The following TAF11L12 variants were observed in gnomAD, a reference collection of about 807,000 sequenced individuals.
TAF11L12 encodes the protein TATA-box binding protein associated factor 11 like 12.
downstream of TAF11L12, chr5:17,611,715 A>T (rs879341908): frequency 1.3e-5 from 5 of 394,638 alleles, no homozygotes; most frequent in Non-Finnish European, 2.2e-5. Context: ...TTAGTGTCTG[A>T]AACTGTGAAG....
chr5:17,611,703 T>TC, downstream of TAF11L12: 1 of 395,148 alleles, frequency 2.5e-6, no homozygotes, highest in African/African-American at 2.1e-5. Flanking sequence ...TCACCCACAA[T>TC]CTTAGTGTCT....
chr5:17,611,215 A>G (rs1739269519), exon 1 of TAF11L12: 3 of 398,122 alleles, frequency 7.5e-6, no homozygotes, highest in Non-Finnish European at 1.3e-5. Context: ...GAAAACAGAT[A>G]CCAAGGGGAA....
chr5:17,611,882 T>G (rs550922931), downstream of TAF11L12, among the ~76,000 whole-genome samples: 1 of 151,472 alleles, frequency 6.6e-6, no homozygotes, highest in Non-Finnish European at 1.5e-5. Flanking sequence ...GTAGCTGCAT[T>G]TGGAGAGGGA....
At chr5:17,611,983 G>A (rs771879225), downstream of TAF11L12, among the ~76,000 whole-genome samples, 2 of 151,396 alleles carry the variant, frequency 1.3e-5, no homozygotes, top group African/African-American at 2.4e-5. Context: ...TTCAGTAAGC[G>A]AAGCCTCCAG....
At chr5:17,611,916 G>T (rs768378280), downstream of TAF11L12, among the ~76,000 whole-genome samples, 1 of 151,256 alleles carries the variant, frequency 6.6e-6, no homozygotes, top group Non-Finnish European at 1.5e-5. Context: ...AGATTTGTAC[G>T]GTTTCATTCT....
In TAF11L12 at chr5:17,610,973, A is replaced by T. The variant is rs567787019; in HGVS notation, c.-17A>T. 2.0e-5 allele frequency: 8 copies of T among 397,932 alleles called. 1 individual carries two copies. The East Asian group carries it at 2.9e-4, about 14-fold the overall frequency. 24.7% of individuals were successfully genotyped at this position (397,932 alleles called of 1,614,324 possible). A position where few individuals can be genotyped will look rare whatever the true frequency, so the allele number is the denominator to read the frequency against. On this transcript the variant is annotated 5_prime_UTR_variant, in exon 1 of 1. Transcript: ENST00000503184. ...GCCTGTACAGCTGCTGTCACGGAGC[A>T]GACTTGAATCTCACCCATGGAGACA... is the stretch of plus-strand genomic sequence containing the variant.
chr5:17,611,697 C>T (rs1027906062), downstream of TAF11L12: 2 of 395,366 alleles, frequency 5.1e-6, no homozygotes, highest in African/African-American at 2.1e-5. Flanking sequence ...CTGGATTCAC[C>T]CACAATCTTA....
downstream of TAF11L12, chr5:17,611,665 A>T: frequency 2.5e-6 from 1 of 396,962 alleles, no homozygotes; most frequent in Non-Finnish European, 4.4e-6. Flanking sequence ...CATTTGCTGG[A>T]GCTTCCTTAT....
In TAF11L12 at chr5:17,610,632, C is replaced by A. The variant is rs1001228414; in HGVS notation, c.-358C>A. On this transcript the variant is annotated 5_prime_UTR_variant, in exon 1 of 1. Transcript: ENST00000503184. ...ACACAGCCAGACCCATCCTGGAGGT[C>A]CGTCATGTGACTCTGAGCAGGAGGC... 125 of 208,636 alleles carry A rather than the reference C, an allele frequency of 6.0e-4. 1 individual carries two copies. The highest frequency in any genetic ancestry group is 2.1e-3 in the African/African-American group (90 of 43,384). 12.9% of individuals were successfully genotyped at this position (208,636 alleles called of 1,614,324 possible).
At chr5:17,611,622 A>G (rs1244941571), downstream of TAF11L12, 10 of 397,926 alleles carry the variant, frequency 2.5e-5, 1 homozygote, top group East Asian at 3.6e-4. Flanking sequence ...GTGCAGGAAT[A>G]AGTATCGCAT....
In TAF11L12 at chr5:17,610,717, A is replaced by C. The variant is rs535267642; in HGVS notation, c.-273A>C. On this transcript the variant is annotated 5_prime_UTR_variant, in exon 1 of 1. Transcript: ENST00000503184. ...GCTGGTGTTTGTTTTAAATATCCAA[A>C]ATTGGTGAGAATTTATTCTGCATTG... is the stretch of plus-strand genomic sequence containing the variant. The C allele has an allele frequency of 9.5e-6, 3 of 315,662 alleles. 1 individual carries two copies. Among genetic ancestry groups the C allele is most frequent in the African/African-American group, 6.4e-5 (3 of 46,566 alleles). The allele number at this position is 315,662 out of a possible 1,614,324, so 19.6% of individuals were successfully genotyped here.
At chr5:17,611,528 G>T (rs1739276232) in exon 1 of TAF11L12, 1 of 397,970 alleles carries the variant, frequency 2.5e-6, no homozygotes. Flanking sequence ...GCCGTTCGCA[G>T]GTTAAAGCCC....
exon 1 of TAF11L12, chr5:17,611,369 C>G: frequency 5.0e-6 from 2 of 397,996 alleles, no homozygotes; most frequent in Non-Finnish European, 8.9e-6. Flanking sequence ...CTGATGCAGT[C>G]TATCACTGGC....
exon 1 of TAF11L12, chr5:17,610,992 G>T: frequency 2.5e-6 from 1 of 397,972 alleles, no homozygotes; most frequent in Non-Finnish European, 4.4e-6. Context: ...TCTCACCCAT[G>T]GAGACAGGCA....
chr5:17,610,729 T>C (rs1354370561), exon 1 of TAF11L12: 1 of 334,272 alleles, frequency 3.0e-6, no homozygotes, highest in African/African-American at 2.1e-5. Flanking sequence ...TTGGTGAGAA[T>C]TTATTCTGCA....
At chr5:17,611,404 A>G (rs1270414008) in exon 1 of TAF11L12, 1 of 397,964 alleles carries the variant, frequency 2.5e-6, no homozygotes, top group African/African-American at 2.1e-5. Context: ...GAACACCGCC[A>G]TTGCCATGGC....
exon 1 of TAF11L12, chr5:17,611,400 C>G (rs545497146): frequency 1.5e-5 from 6 of 397,796 alleles, no homozygotes; most frequent in African/African-American, 4.1e-5. Context: ...CTGAGAACAC[C>G]GCCATTGCCA....
exon 1 of TAF11L12, chr5:17,611,306 C>G: frequency 2.5e-6 from 1 of 398,104 alleles, no homozygotes; most frequent in Non-Finnish European, 4.4e-6. Flanking sequence ...GAGCAGCTAT[C>G]CCGCTACGAA....
downstream of TAF11L12, among the ~76,000 whole-genome samples, chr5:17,611,768 C>T (rs558924907): frequency 6.6e-6 from 1 of 151,466 alleles, no homozygotes; most frequent in African/African-American, 2.4e-5. Context: ...TTCACAGTAG[C>T]CTTGGCTAAA....
Sources: allele counts gnomAD v4.1 joint callset (sites outside exome capture counted in the v4.1 genomes callset), GRCh38; gene constraint gnomAD v4.1.1; transcripts MANE v1.5; gene names NCBI Gene and HGNC (gene_info 2026-07-23, HGNC 2026-07-21).